The following RAB3C variants were observed in gnomAD, a reference collection of about 807,000 sequenced individuals.
RAB3C encodes RAB3C, member RAS oncogene family.
RAB3C carries 17 observed loss-of-function variants against 26.4 expected under a neutral mutation model. The observed-to-expected ratio is 0.64, with a 90% CI of 0.44 to 0.97. The LOEUF (loss-of-function observed/expected upper bound fraction) is 0.97, where lower values mean the gene tolerates loss of function less well. RAB3C is among the 50% of genes least tolerant of loss of function. The pLI is 0.00. For synonymous variants in RAB3C, 91 were observed against 95.9 expected (o/e 0.95, Z 0.30); for missense variants, 242 against 281.9 (o/e 0.86, Z 1.01).
chr5:58,703,689 G>C (rs1156632909), intron 2 of RAB3C, among the ~76,000 whole-genome samples: 1 of 152,202 alleles, frequency 6.6e-6, no homozygotes, highest in African/African-American at 2.4e-5. Flanking sequence ...GCTACTAAAA[G>C]CTCAGATTCC....
intron 4 of RAB3C, among the ~76,000 whole-genome samples, chr5:58,838,729 A>C (rs774438795): frequency 2.0e-5 from 3 of 152,148 alleles, no homozygotes; most frequent in Non-Finnish European, 4.4e-5. Context: ...GCATAGTTTA[A>C]ATCTGATGTT....
intron 4 of RAB3C, among the ~76,000 whole-genome samples, chr5:58,840,350 C>T (rs554040849): frequency 5.9e-5 from 9 of 152,148 alleles, no homozygotes; most frequent in South Asian, 2.1e-4. Context: ...ATCTCTTTGT[C>T]GAATTTCTCA....
intron 1 of RAB3C, among the ~76,000 whole-genome samples, chr5:58,592,282 A>G (rs1190718866): frequency 4.6e-5 from 7 of 152,120 alleles, no homozygotes; most frequent in Non-Finnish European, 7.4e-5. Context: ...TTAACTTATT[A>G]TACAGTCTAC....
At position 58,852,877 on chromosome 5, in the gene RAB3C, A is replaced by C. The variant is rs1744144038; in HGVS notation, c.*1526A>C. The C allele has an allele frequency of 1.7e-5, 1 of 57,304 alleles. No individual in the cohort carries two copies. Among genetic ancestry groups the C allele is most frequent in the South Asian group, 5.3e-4 (1 of 1,874 alleles). 3.5% of individuals were successfully genotyped at this position (57,304 alleles called of 1,614,324 possible). A position where few individuals can be genotyped will look rare whatever the true frequency, so the allele number is the denominator to read the frequency against. ...CAAAGAATTTTTTTCCTCTTCTCAA[A>C]AATAGAGAGGCTTCCCATGAAAGTA... On this transcript the variant is annotated 3_prime_UTR_variant, in exon 5 of 5. Transcript: ENST00000282878.
intron 3 of RAB3C, among the ~76,000 whole-genome samples, chr5:58,824,034 G>A (rs567380129): frequency 6.6e-6 from 1 of 151,940 alleles, no homozygotes; most frequent in African/African-American, 2.4e-5. Context: ...TTTCATCCAT[G>A]TCCCTACAGA....
At chr5:58,747,991 G>T (rs1272498740) in intron 3 of RAB3C, among the ~76,000 whole-genome samples, 1 of 152,096 alleles carries the variant, frequency 6.6e-6, no homozygotes, top group East Asian at 1.9e-4. Flanking sequence ...TGCTGTTGCT[G>T]CAGGTGGCCA....
At chr5:58,592,646 T>C (rs1317962977) in intron 1 of RAB3C, among the ~76,000 whole-genome samples, 1 of 152,144 alleles carries the variant, frequency 6.6e-6, no homozygotes, top group Non-Finnish European at 1.5e-5. Flanking sequence ...AATGGTTTTT[T>C]AAAATTTTGC....
At chr5:58,607,593 CCCCA>C (rs1365376631) in intron 1 of RAB3C, among the ~76,000 whole-genome samples, 7 of 152,088 alleles carry the variant, frequency 4.6e-5, no homozygotes, top group African/African-American at 1.7e-4. Context: ...AGAATCACAA[CCCCA>C]AGACACATAA....
intron 3 of RAB3C, among the ~76,000 whole-genome samples, chr5:58,741,044 C>A (rs952247190): frequency 5.3e-5 from 8 of 152,038 alleles, no homozygotes; most frequent in Non-Finnish European, 1.0e-4. Context: ...TAGAATGACT[C>A]ACAGAACTCA....
At position 58,858,748 on chromosome 5, in the gene RAB3C, A is replaced by G. The variant is rs968994285; in HGVS notation, c.*7397A>G. On this transcript the variant is annotated 3_prime_UTR_variant, in exon 5 of 5. Coordinates refer to ENST00000282878, the MANE Select transcript of RAB3C (RefSeq NM_138453.4). ...ACAGCCAAACTGGCCCTTTGAAACC[A>G]TTCAAATTACCCCAGTTTAGCTCCC... The G allele has an allele frequency of 3.9e-5, 6 of 152,340 alleles. No individual in the cohort carries two copies. Among genetic ancestry groups the G allele is most frequent in the African/African-American group, 1.4e-4 (6 of 41,578 alleles). 9.4% of individuals were successfully genotyped at this position (152,340 alleles called of 1,614,324 possible).
At chr5:58,711,586 T>G (rs1749062601) in intron 2 of RAB3C, among the ~76,000 whole-genome samples, 1 of 151,936 alleles carries the variant, frequency 6.6e-6, no homozygotes, top group Non-Finnish European at 1.5e-5. Flanking sequence ...GCAGAGGGAG[T>G]CTCATTTATT....
chr5:58,606,115 A>G, intron 1 of RAB3C, among the ~76,000 whole-genome samples: 1 of 152,192 alleles, frequency 6.6e-6, no homozygotes, highest in Non-Finnish European at 1.5e-5. Context: ...GCTGGGAAGC[A>G]CAAGGGGTCA....
chr5:58,588,548 G>A (rs1306506681), intron 1 of RAB3C, among the ~76,000 whole-genome samples: 1 of 152,084 alleles, frequency 6.6e-6, no homozygotes, highest in Non-Finnish European at 1.5e-5. Context: ...CATCTGGGGG[G>A]TTTGTTTTTA....
chr5:58,584,583 G>T (rs992569247), intron 1 of RAB3C, among the ~76,000 whole-genome samples: 1 of 152,062 alleles, frequency 6.6e-6, no homozygotes, highest in Non-Finnish European at 1.5e-5. Flanking sequence ...GATACTACCA[G>T]GAGCCAACTG....
chr5:58,597,118 TAC>T, intron 1 of RAB3C, among the ~76,000 whole-genome samples: 4 of 31,994 alleles, frequency 1.3e-4, no homozygotes, highest in African/African-American at 3.6e-4. Flanking sequence ...ATATATATAA[TAC>T]ATAATATATA....
intron 4 of RAB3C, among the ~76,000 whole-genome samples, chr5:58,835,319 C>T (rs1743720621): frequency 6.6e-6 from 1 of 152,148 alleles, no homozygotes; most frequent in South Asian, 2.1e-4. Flanking sequence ...TTCCTATACT[C>T]CTTCTTACTA....
intron 1 of RAB3C, among the ~76,000 whole-genome samples, chr5:58,616,536 T>G (rs952680089): frequency 6.6e-6 from 1 of 152,164 alleles, no homozygotes; most frequent in Non-Finnish European, 1.5e-5. Context: ...AAGATGATCA[T>G]CAAAAAAGAT....
chr5:58,651,272 C>G (rs1165297085), intron 2 of RAB3C, among the ~76,000 whole-genome samples: 4 of 152,148 alleles, frequency 2.6e-5, no homozygotes, highest in Non-Finnish European at 5.9e-5. Context: ...TCATGACTGA[C>G]ACTGAGTGTA....
intron 4 of RAB3C, among the ~76,000 whole-genome samples, chr5:58,844,084 A>T (rs1387769654): frequency 6.6e-6 from 1 of 152,204 alleles, no homozygotes; most frequent in Non-Finnish European, 1.5e-5. Context: ...GTACATTCTA[A>T]TTGCGGAGCA....
Sources: allele counts gnomAD v4.1 joint callset (sites outside exome capture counted in the v4.1 genomes callset), GRCh38; gene constraint gnomAD v4.1.1; transcripts MANE v1.5; gene names NCBI Gene and HGNC (gene_info 2026-07-23, HGNC 2026-07-21).